Variants in ITGBL1 observed in about 807,000 individuals in gnomAD.
ITGBL1 encodes the protein integrin beta-like protein 1.
Under a neutral mutation model 68.5 loss-of-function variants are expected in ITGBL1, and 51 were observed. That is an observed-to-expected ratio of 0.74 (90% CI 0.59 to 0.94). ITGBL1 has a LOEUF of 0.94. Among genes scored for constraint, ITGBL1 ranks in the 40% least tolerant of loss-of-function variants. The pLI, the probability that ITGBL1 is intolerant of heterozygous loss-of-function variation, is 0.00. For missense variants in ITGBL1, 649 were observed against 647.4 expected, an observed-to-expected ratio of 1.00 and a Z score of -0.03; for synonymous variants, 209 against 227.3, an observed-to-expected ratio of 0.92 and a Z score of 0.72.
intron 9 of ITGBL1, among the ~76,000 whole-genome samples, chr13:101,710,032 T>C (rs1159473146): frequency 1.3e-5 from 2 of 152,240 alleles, no homozygotes; most frequent in Non-Finnish European, 2.9e-5. Context: ...TCAAAGGCAT[T>C]TCCTGAAAAC....
chr13:101,453,577 T>G (rs939331443), intron 1 of ITGBL1, among the ~76,000 whole-genome samples: 3 of 152,202 alleles, frequency 2.0e-5, no homozygotes, highest in Non-Finnish European at 2.9e-5. Flanking sequence ...GATTTAGTGA[T>G]AAACTACCAA....
intron 8 of ITGBL1, among the ~76,000 whole-genome samples, chr13:101,699,476 G>A (rs1306691337): frequency 6.6e-6 from 1 of 152,106 alleles, no homozygotes; most frequent in South Asian, 2.1e-4. Flanking sequence ...CACGGGGGTG[G>A]TTTTCTCCAT....
At chr13:101,501,584 T>C (rs944109195) in intron 2 of ITGBL1, among the ~76,000 whole-genome samples, 2 of 152,076 alleles carry the variant, frequency 1.3e-5, no homozygotes, top group Non-Finnish European at 2.9e-5. Context: ...CTCTTAGATA[T>C]TACCCAGCAA....
At chr13:101,640,342 A>G (rs914094301) in intron 7 of ITGBL1, among the ~76,000 whole-genome samples, 14 of 152,202 alleles carry the variant, frequency 9.2e-5, no homozygotes, top group Admixed American at 2.6e-4. Flanking sequence ...ATTTTAAAAT[A>G]AGGCAGTCTG....
intron 2 of ITGBL1, among the ~76,000 whole-genome samples, chr13:101,537,786 T>C (rs907328174): frequency 6.6e-6 from 1 of 152,038 alleles, no homozygotes; most frequent in Admixed American, 6.6e-5. Flanking sequence ...GTAGTCTATA[T>C]CTTTAGCTTT....
intron 2 of ITGBL1, among the ~76,000 whole-genome samples, chr13:101,563,966 A>C (rs2139241928): frequency 6.6e-6 from 1 of 152,008 alleles, no homozygotes; most frequent in African/African-American, 2.4e-5. Context: ...TACCAACCAA[A>C]TGAGGTATAT....
chr13:101,482,939 G>C (rs2048647443), intron 2 of ITGBL1, among the ~76,000 whole-genome samples: 1 of 152,136 alleles, frequency 6.6e-6, no homozygotes, highest in African/African-American at 2.4e-5. Context: ...AGAGACTCTG[G>C]CTGTGGAGCT....
At chr13:101,687,891 C>G (rs1162984205) in intron 7 of ITGBL1, among the ~76,000 whole-genome samples, 1 of 151,886 alleles carries the variant, frequency 6.6e-6, no homozygotes, top group South Asian at 2.1e-4. Flanking sequence ...TTGGGTATCT[C>G]TTTTTTTAGA....
At chr13:101,472,651 C>T (rs888857814) in intron 2 of ITGBL1, among the ~76,000 whole-genome samples, 3 of 151,922 alleles carry the variant, frequency 2.0e-5, no homozygotes, top group African/African-American at 4.8e-5. Flanking sequence ...ATTGGGTGGC[C>T]AGTCAACTGT....
At chr13:101,706,930 C>A in intron 9 of ITGBL1, 28 bp downstream of exon 9, 1 of 1,605,466 alleles carries the variant, frequency 6.2e-7, no homozygotes, top group Non-Finnish European at 8.5e-7. Context: ...TGCCTGGACT[C>A]CATTCCTGTT....
At chr13:101,590,562 G>T (rs2050634567) in intron 6 of ITGBL1, among the ~76,000 whole-genome samples, 1 of 152,104 alleles carries the variant, frequency 6.6e-6, no homozygotes, top group Non-Finnish European at 1.5e-5. Flanking sequence ...TTCAAGAGTG[G>T]AGAAACTTTT....
At chr13:101,573,539 A>G (rs192789637) in intron 3 of ITGBL1, among the ~76,000 whole-genome samples, 412 of 152,242 alleles carry the variant, frequency 2.7e-3, no homozygotes, top group African/African-American at 9.4e-3. Flanking sequence ...TAATGGGAGA[A>G]GAGGAAGAAC....
chr13:101,513,061 T>G (rs2049141005), intron 2 of ITGBL1, among the ~76,000 whole-genome samples: 1 of 152,084 alleles, frequency 6.6e-6, no homozygotes. Flanking sequence ...TCCACCTATT[T>G]AGGCATTATC....
At chr13:101,629,534 T>C (rs2031904715) in intron 7 of ITGBL1, among the ~76,000 whole-genome samples, 1 of 152,144 alleles carries the variant, frequency 6.6e-6, no homozygotes, top group Non-Finnish European at 1.5e-5. Context: ...AATTTAATGG[T>C]GTCATTTGTT....
chr13:101,701,220 G>C (rs897807837), intron 8 of ITGBL1, among the ~76,000 whole-genome samples: 1 of 152,092 alleles, frequency 6.6e-6, no homozygotes, highest in Non-Finnish European at 1.5e-5. Context: ...TTCGTGGAAG[G>C]ATATAATAGA....
intron 7 of ITGBL1, among the ~76,000 whole-genome samples, chr13:101,612,057 T>A (rs1187613680): frequency 6.6e-6 from 1 of 152,164 alleles, no homozygotes; most frequent in African/African-American, 2.4e-5. Context: ...TTAAGATGGA[T>A]GAGATTTTGG....
intron 2 of ITGBL1, among the ~76,000 whole-genome samples, chr13:101,462,163 C>G (rs755170680): frequency 2.6e-5 from 4 of 152,202 alleles, no homozygotes; most frequent in Non-Finnish European, 5.9e-5. Flanking sequence ...TGAGACCTTT[C>G]TCACACCGCT....
At chr13:101,658,768 C>A (rs1437340054) in intron 7 of ITGBL1, among the ~76,000 whole-genome samples, 1 of 152,104 alleles carries the variant, frequency 6.6e-6, no homozygotes, top group African/African-American at 2.4e-5. Flanking sequence ...ATATGAGGAA[C>A]TTGGTGCTAA....
At chr13:101,485,036 T>G (rs2048681343) in intron 2 of ITGBL1, among the ~76,000 whole-genome samples, 1 of 152,206 alleles carries the variant, frequency 6.6e-6, no homozygotes, top group African/African-American at 2.4e-5. Flanking sequence ...TGATAGCAGA[T>G]TTCTCTTATT....
Sources: gnomAD v4.1 joint callset for allele counts (sites outside exome capture counted in the v4.1 genomes callset) on GRCh38, gnomAD v4.1.1 for gene constraint, MANE v1.5 for transcripts, NCBI Gene and HGNC (gene_info 2026-07-23, HGNC 2026-07-21) for gene names.